The following LRP1B variants were observed in gnomAD, a reference collection of about 807,000 sequenced individuals.
LRP1B encodes the protein low-density lipoprotein receptor-related protein 1B.
Under a neutral mutation model 556.6 loss-of-function variants are expected in LRP1B, and 217 were observed. That is an observed-to-expected ratio of 0.39 (90% confidence interval 0.35 to 0.44). The LOEUF (loss-of-function observed/expected upper bound fraction) is 0.44. Ranked by LOEUF, LRP1B falls within the 20% of genes least tolerant of loss-of-function variation. The pLI is 1.00. For synonymous variants in LRP1B, 2,047 were observed against 1,865.8 expected (o/e 1.10, Z -2.50); for missense variants, 5,053 against 5,620.8 (o/e 0.90, Z 3.23).
intron 37 of LRP1B, among the ~76,000 whole-genome samples, chr2:140,714,736 C>A (rs575061081): frequency 6.6e-6 from 1 of 152,136 alleles, no homozygotes; most frequent in Non-Finnish European, 1.5e-5. Flanking sequence ...AAATTTTCTC[C>A]TTTAAGGCTA....
At chr2:142,050,394 A>G (rs1316535647) in intron 1 of LRP1B, among the ~76,000 whole-genome samples, 1 of 151,908 alleles carries the variant, frequency 6.6e-6, no homozygotes, top group African/African-American at 2.4e-5. Context: ...CATAAAAGTT[A>G]CTGAAAACAA....
rs111444554 is a variant in LRP1B, at chr2:140,541,877, C to T, written c.7289G>A (p.Arg2430Gln). The change falls in exon 44 of 91, where the codon CGG becomes CAG. Residue 2430 changes from arginine (R) to glutamine (Q), a missense_variant. Transcript: ENST00000389484. Reference protein sequence around the residue: ...WSDWGRRAILRSNKYTGGDTK... With the variant: ...WSDWGRRAILQSNKYTGGDTK... ...ATCTCCTCCTGTGTACTTGTTGGAC[C>T]GCAGTATAGCTCTTCTTCCCCAGTC... is the stretch of plus-strand genomic sequence containing the variant. 4.8e-5 allele frequency: 77 copies of T among 1,612,538 alleles called. No homozygotes were observed. The highest frequency in any genetic ancestry group is 1.7e-4 in the Middle Eastern group (1 of 6,050).
At chr2:141,122,763 G>C (rs528741046) in intron 7 of LRP1B, among the ~76,000 whole-genome samples, 1 of 152,118 alleles carries the variant, frequency 6.6e-6, no homozygotes, top group Admixed American at 6.6e-5. Context: ...TATACCTAAA[G>C]GTTTATAAAT....
At chr2:140,466,749 A>T (rs1188961046) in intron 60 of LRP1B, among the ~76,000 whole-genome samples, 1 of 152,204 alleles carries the variant, frequency 6.6e-6, no homozygotes, top group East Asian at 1.9e-4. Context: ...TATCCTGAAA[A>T]AAACAATTTA....
intron 2 of LRP1B, among the ~76,000 whole-genome samples, chr2:141,636,591 T>C (rs1464381527): frequency 3.9e-5 from 6 of 152,152 alleles, no homozygotes; most frequent in Admixed American, 3.9e-4. Context: ...AAATTTAATC[T>C]TGAGAAATCA....
chr2:140,293,327 C>T (rs1683470308), intron 84 of LRP1B, among the ~76,000 whole-genome samples: 1 of 152,160 alleles, frequency 6.6e-6, no homozygotes, highest in South Asian at 2.1e-4. Context: ...TTTATTTATA[C>T]TAGTAATTCT....
At chr2:140,813,015 C>A (rs1690982203) in intron 32 of LRP1B, among the ~76,000 whole-genome samples, 1 of 152,232 alleles carries the variant, frequency 6.6e-6, no homozygotes, top group South Asian at 2.1e-4. Context: ...CTGAAACTTA[C>A]ATTTCAAAAA....
intron 11 of LRP1B, among the ~76,000 whole-genome samples, chr2:141,022,423 G>A (rs1260715879): frequency 6.6e-6 from 1 of 151,880 alleles, no homozygotes; most frequent in Non-Finnish European, 1.5e-5. Context: ...TTTCTCTCTT[G>A]CAGAACACAG....
At chr2:142,051,168 G>A (rs762400717) in intron 1 of LRP1B, among the ~76,000 whole-genome samples, 6 of 152,032 alleles carry the variant, frequency 3.9e-5, no homozygotes, top group Non-Finnish European at 7.4e-5. Context: ...AAGAGTCCAA[G>A]TAGTGCCTTT....
chr2:141,734,469 TGA>T (rs1693392283), intron 2 of LRP1B, among the ~76,000 whole-genome samples: 2 of 150,998 alleles, frequency 1.3e-5, no homozygotes, highest in South Asian at 4.2e-4. Context: ...AGAGAGAGAG[TGA>T]GAGAGAGAAT....
At chr2:141,958,511 T>C (rs1328364785) in intron 1 of LRP1B, among the ~76,000 whole-genome samples, 1 of 152,040 alleles carries the variant, frequency 6.6e-6, no homozygotes, top group African/African-American at 2.4e-5. Context: ...TGGACTTGAC[T>C]AATCAACTAA....
intron 7 of LRP1B, among the ~76,000 whole-genome samples, chr2:141,115,550 G>T (rs749420260): frequency 2.8e-5 from 4 of 141,464 alleles, no homozygotes; most frequent in Admixed American, 1.5e-4. Flanking sequence ...TCCGCCTCCC[G>T]AGTTCACGCC....
intron 1 of LRP1B, among the ~76,000 whole-genome samples, chr2:141,827,569 C>G (rs1696980566): frequency 6.6e-6 from 1 of 152,118 alleles, no homozygotes; most frequent in Non-Finnish European, 1.5e-5. Flanking sequence ...CATCAGACTA[C>G]TCCTTCAACA....
intron 35 of LRP1B, among the ~76,000 whole-genome samples, chr2:140,759,494 A>G (rs1380283804): frequency 1.3e-5 from 2 of 152,182 alleles, no homozygotes; most frequent in Admixed American, 6.5e-5. Context: ...AACTAGTTTT[A>G]TTTGTTTTAT....
chr2:141,108,847 G>T (rs1193303500), intron 7 of LRP1B, among the ~76,000 whole-genome samples: 3 of 152,114 alleles, frequency 2.0e-5, no homozygotes, highest in Non-Finnish European at 4.4e-5. Context: ...CTTCCTTTGG[G>T]ATATATTTAG....
At chr2:140,425,704 C>A (rs756828991) in intron 66 of LRP1B, among the ~76,000 whole-genome samples, 8 of 152,172 alleles carry the variant, frequency 5.3e-5, no homozygotes, top group Admixed American at 1.3e-4. Context: ...CCGTACCCGT[C>A]CCTGTTCACC....
chr2:141,640,179 T>C (rs903687298), intron 2 of LRP1B, among the ~76,000 whole-genome samples: 6 of 152,220 alleles, frequency 3.9e-5, no homozygotes, highest in African/African-American at 1.2e-4. Context: ...AAGATTCTTA[T>C]AGGATTCATT....
At chr2:141,741,042 T>G (rs765602535) in intron 2 of LRP1B, among the ~76,000 whole-genome samples, 2 of 152,086 alleles carry the variant, frequency 1.3e-5, no homozygotes, top group Non-Finnish European at 2.9e-5. Context: ...GCGCCTGCCT[T>G]ATTTCACTTA....
intron 3 of LRP1B, among the ~76,000 whole-genome samples, chr2:141,256,162 G>T (rs1010453563): frequency 6.6e-6 from 1 of 152,036 alleles, no homozygotes; most frequent in Non-Finnish European, 1.5e-5. Flanking sequence ...AGCTGAATAT[G>T]CAGGAAGATA....
Sources: gnomAD v4.1 joint callset for allele counts (sites outside exome capture counted in the v4.1 genomes callset) on GRCh38, gnomAD v4.1.1 for gene constraint, MANE v1.5 for transcripts, NCBI Gene and HGNC (gene_info 2026-07-23, HGNC 2026-07-21) for gene names.